The following PARD3B variants were observed in gnomAD, a reference collection of about 807,000 sequenced individuals.
The protein encoded by PARD3B is partitioning defective 3 homolog B.
A neutral mutation model predicts 130.2 loss-of-function variants in PARD3B; 103 were observed. The observed-to-expected ratio is 0.79, with a 90% CI of 0.67 to 0.93. PARD3B has a LOEUF of 0.93. Among genes scored for constraint, PARD3B ranks in the 40% least tolerant of loss-of-function variants. PARD3B has a pLI of 0.00. For synonymous variants in PARD3B, 583 were observed against 553.2 expected (o/e 1.05, Z -0.76); for missense variants, 1,609 against 1,499.2 (o/e 1.07, Z -1.21).
chr2:204,565,364 C>G (rs1013837430), intron 1 of PARD3B, among the ~76,000 whole-genome samples: 3 of 152,148 alleles, frequency 2.0e-5, no homozygotes, highest in African/African-American at 7.2e-5. Context: ...GAATCACAAC[C>G]AATGAAATAT....
chr2:204,844,427 A>G (rs1004957554), intron 2 of PARD3B, among the ~76,000 whole-genome samples: 2 of 152,178 alleles, frequency 1.3e-5, no homozygotes, highest in African/African-American at 4.8e-5. Flanking sequence ...TTTTTAAGTT[A>G]TAATATTTTA....
chr2:205,209,335 A>T (rs1281133365), intron 15 of PARD3B, among the ~76,000 whole-genome samples: 21 of 151,886 alleles, frequency 1.4e-4, no homozygotes, highest in Admixed American at 1.3e-3. Flanking sequence ...CTAAAACACC[A>T]AAAGCAATGG....
chr2:205,489,502 T>TATATACGTATATATATACACAC (rs2049589714), intron 20 of PARD3B, among the ~76,000 whole-genome samples: 2 of 142,104 alleles, frequency 1.4e-5, no homozygotes, highest in African/African-American at 5.2e-5. Context: ...TGTGTGTATA[T>TATATACGTATATATATACACAC]ATATATACGT....
intron 21 of PARD3B, among the ~76,000 whole-genome samples, chr2:205,532,783 C>T (rs1049281094): frequency 6.6e-6 from 1 of 152,132 alleles, no homozygotes; most frequent in African/African-American, 2.4e-5. Context: ...AGGCATCAGA[C>T]CACATCTTTA....
At position 204,844,727 on chromosome 2, in the gene PARD3B, C is replaced by G. The variant is rs146271882; in HGVS notation, c.223-120425C>G. On this transcript the variant is annotated intron_variant, in intron 2 of 22. Transcript: ENST00000406610. ...AGTTACAGGCCTATTCTTTTTAGCT[C>G]AAATCAACCCATTAAATTATTTGTG... Among the ~76,000 whole-genome samples the G allele has an allele frequency of 3.0e-4, 46 of 152,172 alleles. No individual in the cohort carries two copies. The East Asian group carries it at 8.5e-3, about 28-fold the overall frequency.
Position 205,158,737 on chromosome 2 carries a change from T to C in PARD3B, c.1450T>C (p.Cys484Arg). 6.2e-7 allele frequency: 1 copy of C among 1,612,388 alleles called. No homozygotes were observed. The highest frequency in any genetic ancestry group is 8.5e-7 in the Non-Finnish European group (1 of 1,179,400). Residue 484 changes from cysteine (C) to arginine (R), a missense_variant, in exon 11 of 23, where the codon TGC becomes CGC. Transcript: ENST00000406610. The surrounding 1 kb of genome is among the most constrained non-coding windows in gnomAD (Gnocchi z 5.4). ...LPRELKGEPD[C>R]CALSLETSEQ... ...CCCCTAACAGAAAGGAGAACCTGAC[T>C]GCTGTGCACTCTCTCTGGAGACAAG...
chr2:205,025,927 C>G (rs1696988917), intron 3 of PARD3B, among the ~76,000 whole-genome samples: 1 of 152,176 alleles, frequency 6.6e-6, no homozygotes, highest in Non-Finnish European at 1.5e-5. Context: ...TTTCTGCATG[C>G]TTGCTTAACC....
chr2:205,439,330 G>C (rs558693659), intron 19 of PARD3B, among the ~76,000 whole-genome samples: 64 of 152,216 alleles, frequency 4.2e-4, no homozygotes, highest in African/African-American at 1.5e-3. Flanking sequence ...AGCCGCCTGA[G>C]CCAGCATCGT....
At chr2:205,415,958 G>A (rs370977306) in intron 19 of PARD3B, among the ~76,000 whole-genome samples, 20 of 152,204 alleles carry the variant, frequency 1.3e-4, no homozygotes, top group African/African-American at 4.8e-4. Flanking sequence ...GAAAACATAT[G>A]CAACTATGTA....
intron 18 of PARD3B, among the ~76,000 whole-genome samples, chr2:205,383,803 A>G (rs1040966485): frequency 1.3e-5 from 2 of 152,050 alleles, no homozygotes; most frequent in African/African-American, 4.8e-5. Context: ...GAACCAGACA[A>G]TATGTAGCCT....
chr2:204,880,657 CAAAAAAAAAAAAAA>C (rs746023895), intron 2 of PARD3B, among the ~76,000 whole-genome samples: 1 of 55,466 alleles, frequency 1.8e-5, no homozygotes, highest in Non-Finnish European at 4.0e-5. Flanking sequence ...GACTCCATCT[CAAAAAAAAAAAAAA>C]AAAAAAAAAA....
chr2:204,571,440 TATG>T (rs1477036975), intron 1 of PARD3B, among the ~76,000 whole-genome samples: 4 of 152,204 alleles, frequency 2.6e-5, no homozygotes, highest in African/African-American at 9.7e-5. Context: ...AGGGGCCTAT[TATG>T]ATGAAGTATG....
intron 1 of PARD3B, among the ~76,000 whole-genome samples, chr2:204,551,235 A>T (rs1399813761): frequency 6.6e-6 from 1 of 152,098 alleles, no homozygotes; most frequent in Non-Finnish European, 1.5e-5. Context: ...ATATTTTGAG[A>T]TTTCATGCAA....
chr2:204,694,525 G>C (rs528520757), intron 2 of PARD3B, among the ~76,000 whole-genome samples: 1 of 152,126 alleles, frequency 6.6e-6, no homozygotes, highest in South Asian at 2.1e-4. Context: ...TAGTGATAGA[G>C]TGGGAACTAG....
intron 18 of PARD3B, among the ~76,000 whole-genome samples, chr2:205,359,166 A>C (rs984607152): frequency 6.6e-6 from 1 of 152,154 alleles, no homozygotes; most frequent in Non-Finnish European, 1.5e-5. Flanking sequence ...CATCGCTTTA[A>C]CTTTGCTTTA....
At chr2:204,554,355 A>T (rs1014079402) in intron 1 of PARD3B, among the ~76,000 whole-genome samples, 1 of 152,004 alleles carries the variant, frequency 6.6e-6, no homozygotes, top group Non-Finnish European at 1.5e-5. Flanking sequence ...CACTTATAGC[A>T]TGCCCCCAAA....
intron 2 of PARD3B, among the ~76,000 whole-genome samples, chr2:204,897,385 G>T (rs373736317): frequency 4.5e-4 from 57 of 127,652 alleles, no homozygotes; most frequent in Middle Eastern, 4.3e-3. Flanking sequence ...TGTAGGTACT[G>T]TTTTTTTTTT....
At chr2:205,289,219 A>G (rs1015589173) in intron 16 of PARD3B, among the ~76,000 whole-genome samples, 17 of 152,200 alleles carry the variant, frequency 1.1e-4, no homozygotes, top group Non-Finnish European at 2.5e-4. Flanking sequence ...TAGACCAAAA[A>G]AAGTAGAAGT....
intron 4 of PARD3B, among the ~76,000 whole-genome samples, chr2:205,051,259 A>T (rs1052187990): frequency 2.0e-5 from 3 of 152,152 alleles, no homozygotes; most frequent in African/African-American, 7.2e-5. Flanking sequence ...TTGATAAGTG[A>T]TGGTGAATTC....
Sources: gnomAD v4.1 joint callset for allele counts (sites outside exome capture counted in the v4.1 genomes callset) on GRCh38, gnomAD v4.1.1 for gene constraint, Gnocchi (gnomAD v3.1) non-coding constraint, MANE v1.5 for transcripts, NCBI Gene and HGNC (gene_info 2026-07-23, HGNC 2026-07-21) for gene names.